COBLL1: variants seen among roughly 807,000 people sequenced by gnomAD.
The protein encoded by COBLL1 is cordon-bleu WH2 repeat protein like 1.
In COBLL1, 50 loss-of-function variants were observed where a neutral mutation model predicts 94.8. The observed-to-expected ratio is 0.53, with a 90% CI of 0.42 to 0.67. The LOEUF (loss-of-function observed/expected upper bound fraction) is 0.67. Ranked by LOEUF, COBLL1 falls within the 30% of genes least tolerant of loss-of-function variation. The pLI is 0.00. For missense variants in COBLL1, 1,362 were observed against 1,348.7 expected, an observed-to-expected ratio of 1.01 and a Z score of -0.15; for synonymous variants, 448 against 473.8, an observed-to-expected ratio of 0.95 and a Z score of 0.71.
intron 2 of COBLL1, among the ~76,000 whole-genome samples, chr2:164,809,636 T>C (rs1355954117): frequency 6.6e-6 from 1 of 152,006 alleles, no homozygotes; most frequent in African/African-American, 2.4e-5. Flanking sequence ...AAACTATTTT[T>C]AAAGTATCTA....
intron 2 of COBLL1, among the ~76,000 whole-genome samples, chr2:164,833,973 A>G (rs1390346799): frequency 1.3e-5 from 2 of 152,192 alleles, no homozygotes; most frequent in African/African-American, 4.8e-5. Context: ...TGAAGTTTGT[A>G]TTCAAAACTG....
intron 2 of COBLL1, among the ~76,000 whole-genome samples, chr2:164,835,573 G>A (rs192867888): frequency 6.6e-6 from 1 of 152,236 alleles, no homozygotes; most frequent in African/African-American, 2.4e-5. Context: ...ATGGAAGGTG[G>A]TGATGGTTCA....
In COBLL1 at chr2:164,729,830, C is replaced by A; in HGVS notation, c.432+84G>T. ...TACTCACATTCACATCAAATTTAAC[C>A]AGTAAAGTCCATTTTTATTTCACTT... On this transcript the variant is annotated intron_variant, in intron 4 of 13. Transcript: ENST00000652658. 3.4e-6 allele frequency: 4 copies of A among 1,181,346 alleles called. No homozygotes were observed. In the South Asian group the frequency reaches 4.0e-5, roughly 12 times the overall value. The allele number at this position is 1,181,346 out of a possible 1,614,324, so 73.2% of individuals were successfully genotyped here. A position where few individuals can be genotyped will look rare whatever the true frequency, so the allele number is the denominator to read the frequency against.
intron 1 of COBLL1, among the ~76,000 whole-genome samples, chr2:164,667,950 T>C (rs556174534): frequency 2.7e-5 from 4 of 150,824 alleles, no homozygotes; most frequent in South Asian, 2.1e-4. Flanking sequence ...GGCTTTCTTT[T>C]TTTTTTTTTT....
At chr2:164,746,533 C>A (rs1686867099) in intron 2 of COBLL1, among the ~76,000 whole-genome samples, 1 of 152,010 alleles carries the variant, frequency 6.6e-6, no homozygotes, top group Non-Finnish European at 1.5e-5. Context: ...TAAATCCACC[C>A]TAAATTGAAA....
chr2:164,665,464 T>A (rs770672536), intron 2 of COBLL1, among the ~76,000 whole-genome samples: 8 of 141,724 alleles, frequency 5.6e-5, no homozygotes, highest in Non-Finnish European at 1.1e-4. Flanking sequence ...TACTGTAGTT[T>A]AAAAAAAAAA....
At chr2:164,766,818 C>T (rs1257998945) in intron 2 of COBLL1, among the ~76,000 whole-genome samples, 1 of 152,116 alleles carries the variant, frequency 6.6e-6, no homozygotes, top group Non-Finnish European at 1.5e-5. Context: ...ATAATTTACT[C>T]GTGAAAGACC....
At chr2:164,803,013 T>C (rs915046549) in intron 2 of COBLL1, among the ~76,000 whole-genome samples, 2 of 152,184 alleles carry the variant, frequency 1.3e-5, no homozygotes, top group Non-Finnish European at 2.9e-5. Context: ...GATTGCAATA[T>C]ATAGATTTTT....
intron 3 of COBLL1, among the ~76,000 whole-genome samples, chr2:164,736,772 C>A (rs146483797): frequency 6.6e-5 from 10 of 151,996 alleles, no homozygotes; most frequent in African/African-American, 2.2e-4. Flanking sequence ...TGAAAAAAAG[C>A]AGGTTACAAA....
At chr2:164,835,470 G>A (rs1246819564) in intron 2 of COBLL1, among the ~76,000 whole-genome samples, 4 of 152,160 alleles carry the variant, frequency 2.6e-5, no homozygotes, top group Non-Finnish European at 5.9e-5. Context: ...AAAGTAGAAT[G>A]GTGGTTTTCA....
chr2:164,823,130 C>T (rs1330336081), intron 2 of COBLL1, among the ~76,000 whole-genome samples: 1 of 152,134 alleles, frequency 6.6e-6, no homozygotes. Flanking sequence ...ATTGTTTACA[C>T]TGCCCTGGTG....
At chr2:164,716,847 C>G (rs1453934821) in intron 7 of COBLL1, among the ~76,000 whole-genome samples, 10 of 151,936 alleles carry the variant, frequency 6.6e-5, no homozygotes, top group Non-Finnish European at 1.3e-4. Flanking sequence ...AAGAATGAGG[C>G]AAATTATTAA....
At position 164,772,624 on chromosome 2, in the gene COBLL1, A is replaced by T. The variant is rs190870028; in HGVS notation, c.42-28749T>A. On this transcript the variant is annotated intron_variant, in intron 2 of 13. Coordinates refer to ENST00000652658, the MANE Select transcript of COBLL1 (RefSeq NM_001365672.2). ...TACTTTATACCACAAAACAATGTTA[A>T]TTCAATTTTTTCTTTTAAGTCACCA... Among the ~76,000 whole-genome samples the T allele has an allele frequency of 5.2e-3, 791 of 152,176 alleles. 12 individuals carry two copies. The highest frequency in any genetic ancestry group is 0.018 in the African/African-American group (730 of 41,572).
intron 2 of COBLL1, among the ~76,000 whole-genome samples, chr2:164,784,504 C>T (rs779201451): frequency 2.2e-4 from 34 of 152,198 alleles, no homozygotes; most frequent in Middle Eastern, 3.4e-3. Flanking sequence ...GTGGCTGCTG[C>T]GGTGAATTCC....
At chr2:164,703,286 A>G in intron 9 of COBLL1, 1 of 987,390 alleles carries the variant, frequency 1.0e-6, no homozygotes, top group Non-Finnish European at 1.5e-6. Flanking sequence ...GCAGAGACCA[A>G]GAAGCATTTT....
chr2:164,735,786 T>A (rs1188695059), intron 3 of COBLL1, among the ~76,000 whole-genome samples: 5 of 151,890 alleles, frequency 3.3e-5, no homozygotes, highest in Non-Finnish European at 7.3e-5. Context: ...GGCAGTTGGC[T>A]AATGGGTTTG....
At chr2:164,717,151 G>T (rs1685210211) in intron 7 of COBLL1, among the ~76,000 whole-genome samples, 1 of 151,928 alleles carries the variant, frequency 6.6e-6, no homozygotes, top group Non-Finnish European at 1.5e-5. Flanking sequence ...ATTAAAATGT[G>T]CTTTGGAGAA....
chr2:164,811,739 T>G (rs988801444), intron 2 of COBLL1, among the ~76,000 whole-genome samples: 5 of 151,890 alleles, frequency 3.3e-5, no homozygotes, highest in African/African-American at 1.2e-4. Context: ...AAAAGTATAT[T>G]TAGGTTTCTG....
intron 8 of COBLL1, 144 bp downstream of exon 8, chr2:164,704,808 G>T (rs1056264492): frequency 2.3e-6 from 2 of 884,708 alleles, no homozygotes; most frequent in Non-Finnish European, 1.7e-6. Context: ...ATTTTTAAAC[G>T]GCAGCAAAGT....
Sources: gnomAD v4.1 joint callset for allele counts (sites outside exome capture counted in the v4.1 genomes callset) on GRCh38, gnomAD v4.1.1 for gene constraint, MANE v1.5 for transcripts, NCBI Gene and HGNC (gene_info 2026-07-23, HGNC 2026-07-21) for gene names.